PENK: variants seen among roughly 807,000 people sequenced by gnomAD.
The protein encoded by PENK is proenkephalin-A.
PENK carries 25 observed loss-of-function variants against 24.1 expected under a neutral mutation model. The observed-to-expected ratio is 1.04, with a 90% CI of 0.76 to 1.45. The LOEUF (loss-of-function observed/expected upper bound fraction) is 1.45, where lower values mean the gene tolerates loss of function less well. Among genes scored for constraint, PENK ranks in the 40% most tolerant of loss-of-function variants. PENK has a pLI of 0.00. For synonymous variants in PENK, 135 were observed against 130.3 expected (o/e 1.04, Z -0.24); for missense variants, 353 against 337.9 (o/e 1.04, Z -0.35).
Position 56,441,579 on chromosome 8 carries a change from T to C in PENK, c.497A>G (p.Asn166Ser). 6.2e-7 allele frequency: 1 copy of C among 1,613,998 alleles called. No homozygotes were observed. Among genetic ancestry groups the C allele is most frequent in the Non-Finnish European group, 8.5e-7 (1 of 1,179,994 alleles). ...LLKELLETGD[N>S]RERSHHQDGS... ...ATCCTGGTGGTGGCTACGCTCTCGG[T>C]TGTCCCCTGTTTCCAGAAGCTCTTT... is the stretch of plus-strand genomic sequence containing the variant. Residue 166 changes from asparagine to serine, a missense_variant, in exon 4 of 4, where the codon AAC becomes AGC. Asn to Ser is a conservative substitution (Grantham distance 46). Transcript: ENST00000451791.
chr8:56,445,211 A>C (rs1488502219), intron 3 of PENK: 1 of 161,184 alleles, frequency 6.2e-6, no homozygotes, highest in East Asian at 1.8e-4. Context: ...GACAGTTTGA[A>C]CTCTTTCCTG....
chr8:56,441,921 C>T lies in PENK; in HGVS notation c.155G>A (p.Cys52Tyr), dbSNP rs1422773939. The T allele has an allele frequency of 3.1e-6, 5 of 1,612,228 alleles. No homozygotes were observed. The highest frequency in any genetic ancestry group is 1.7e-6 in the Non-Finnish European group (2 of 1,178,904). ...DINFLACVME[C>Y]EGKLPSLKIW... ...TTTCAGAGAAGGCAGTTTACCTTCA[C>T]ATTCCATTACGCAAGCCTGGGAAAA... The change falls in exon 4 of 4, where the codon TGT becomes TAT. Residue 52 changes from cysteine (C) to tyrosine (Y), a missense_variant. Transcript: ENST00000451791.
rs1804648595 is a variant in PENK, at chr8:56,445,807, A to C, written c.138+9T>G. Reference sequence around the variant, plus strand: ...AAGGTGCGCAACACTCGCCGCGCGCAACACTCACCAGGAAGTTGATGTCGG... The same window carrying C: ...AAGGTGCGCAACACTCGCCGCGCGCCACACTCACCAGGAAGTTGATGTCGG... On this transcript the variant is annotated intron_variant, in intron 3 of 3. Transcript: ENST00000451791. The C allele has an allele frequency of 6.2e-7, 1 of 1,613,200 alleles. No individual in the cohort carries two copies. The highest frequency in any genetic ancestry group is 1.7e-5 in the Admixed American group (1 of 60,012).
rs146436624 is a variant in PENK at position 56,441,501 on chromosome 8, C to A, written c.575G>T (p.Gly192Val). The change falls in exon 4 of 4, where the codon GGC becomes GTC. Residue 192 changes from glycine (G) to valine (V), a missense_variant. Transcript: ENST00000451791. ...VSKRYGGFMR[G>V]LKRSPQLEDE... ...TTCCAGTTGGGGGCTTCTCTTTAAG[C>A]CTCTCATGAAGCCCCCATATCTCTT... 1.2e-6 allele frequency: 2 copies of A among 1,613,562 alleles called. No individual in the cohort carries two copies. The highest frequency in any genetic ancestry group is 3.3e-5 in the Admixed American group (2 of 60,010).
chr8:56,443,946 TAAC>T (rs1804604338), intron 3 of PENK: 2 of 701,808 alleles, frequency 2.8e-6, no homozygotes, highest in East Asian at 2.7e-5. Flanking sequence ...TAATAAGTGA[TAAC>T]AACAAGAGCA....
Position 56,441,426 on chromosome 8 carries a change from A to C in PENK, c.650T>G (p.Val217Gly), listed in dbSNP as rs1196647458. The change falls in exon 4 of 4, where the codon GTA (valine) becomes GGA (glycine). Residue 217 changes from valine to glycine, a missense_variant. Val to Gly is a moderately radical substitution (Grantham distance 109, BLOSUM62 -3). Coordinates refer to ENST00000451791, the MANE Select transcript of PENK (RefSeq NM_001135690.3). ...QKRYGGFMRR[V>G]GRPEWWMDYQ... Reference sequence around the variant, plus strand: ...GTCCATCCACCACTCTGGGCGACCTACTCTTCTCATGAAGCCCCCATATCG... The same window carrying C: ...GTCCATCCACCACTCTGGGCGACCTCCTCTTCTCATGAAGCCCCCATATCG... 1 of 1,613,652 alleles carries C rather than the reference A, an allele frequency of 6.2e-7. No individual in the cohort carries two copies. The highest frequency in any genetic ancestry group is 1.3e-5 in the African/African-American group (1 of 74,830).
Position 56,445,947 on chromosome 8 carries a change from G to A in PENK, c.7C>T (p.Arg3Trp). The A allele has an allele frequency of 6.2e-7, 1 of 1,607,370 alleles. No homozygotes were observed. Residue 3 changes from arginine (R) to tryptophan (W), a missense_variant, in exon 3 of 4, where the codon CGG becomes TGG. Transcript: ENST00000451791. ...AGCCAAGTGCAAAGTGTCAGGAACCGCGCCATGGACTGCGAGGAGAGAGGG... is the reference window on the plus strand; with the variant it reads ...AGCCAAGTGCAAAGTGTCAGGAACCACGCCATGGACTGCGAGGAGAGAGGG... Reference protein sequence around the residue: MARFLTLCTWLLL... With the variant: MAWFLTLCTWLLL...
At chr8:56,442,106 G>A (rs1331179697) in intron 3 of PENK, among the ~76,000 whole-genome samples, 169 bp from the exon 4 acceptor site, 1 of 152,118 alleles carries the variant, frequency 6.6e-6, no homozygotes, top group African/African-American at 2.4e-5. Flanking sequence ...GCATGCAAAT[G>A]AAACAAATAA....
At chr8:56,442,123 G>A (rs992705784) in intron 3 of PENK, among the ~76,000 whole-genome samples, 186 bp from the exon 4 acceptor site, 1 of 152,120 alleles carries the variant, frequency 6.6e-6, no homozygotes, top group Non-Finnish European at 1.5e-5. Flanking sequence ...ATAAAATTTG[G>A]AAAGGTGAAA....
Position 56,441,441 on chromosome 8 carries a change from C to G in PENK, c.635G>C (p.Gly212Ala), listed in dbSNP as rs1322124726. The change falls in exon 4 of 4, where the codon GGC (glycine) becomes GCC (alanine). Residue 212 changes from glycine (G) to alanine (A), a missense_variant. Physicochemically the swap from Gly to Ala is moderately conservative, Grantham distance 60. Coordinates refer to ENST00000451791, the MANE Select transcript of PENK (RefSeq NM_001135690.3). The stretch of plus-strand genomic sequence containing the variant: ...TGGGCGACCTACTCTTCTCATGAAG[C>G]CCCCATATCGCTTCTGCAGCTCTTT... ...EAKELQKRYG[G>A]FMRRVGRPEW... The G allele has an allele frequency of 2.5e-6, 4 of 1,613,810 alleles. No individual in the cohort carries two copies. The highest frequency in any genetic ancestry group is 3.4e-6 in the Non-Finnish European group (4 of 1,180,002).
At chr8:56,442,467 C>A (rs944684272) in intron 3 of PENK, among the ~76,000 whole-genome samples, 2 of 152,082 alleles carry the variant, frequency 1.3e-5, no homozygotes, top group East Asian at 1.9e-4. Flanking sequence ...AGTATTCCTG[C>A]AAATACTTTC....
chr8:56,441,395 C>G lies in PENK; in HGVS notation c.681G>C (p.Gln227His). 1 of 1,614,132 alleles carries G rather than the reference C, an allele frequency of 6.2e-7. No homozygotes were observed. The highest frequency in any genetic ancestry group is 8.5e-7 in the Non-Finnish European group (1 of 1,180,020). Reference sequence around the variant, plus strand: ...GCTTCAGGAAACCTCCATACCGTTTCTGGTAGTCCATCCACCACTCTGGGC... The same window carrying G: ...GCTTCAGGAAACCTCCATACCGTTTGTGGTAGTCCATCCACCACTCTGGGC... ...VGRPEWWMDYQKRYGGFLKRF... is the reference protein window; with the variant it reads ...VGRPEWWMDYHKRYGGFLKRF... The change falls in exon 4 of 4, where the codon CAG becomes CAC. Residue 227 changes from glutamine (Q) to histidine (H), a missense_variant. Gln to His is a conservative substitution (Grantham distance 24). Transcript: ENST00000451791.
At chr8:56,442,632 A>G (rs1804581121) in intron 3 of PENK, among the ~76,000 whole-genome samples, 1 of 152,076 alleles carries the variant, frequency 6.6e-6, no homozygotes, top group Admixed American at 6.5e-5. Flanking sequence ...GCTGGATACA[A>G]CAGACTTTAT....
chr8:56,444,904 G>A (rs1442222890), intron 3 of PENK, among the ~76,000 whole-genome samples: 2 of 152,176 alleles, frequency 1.3e-5, no homozygotes, highest in African/African-American at 4.8e-5. Context: ...GAATTGTCAG[G>A]GGAGCTGGTA....
At chr8:56,443,362 C>G (rs1373630092) in intron 3 of PENK, among the ~76,000 whole-genome samples, 1 of 152,048 alleles carries the variant, frequency 6.6e-6, no homozygotes, top group African/African-American at 2.4e-5. Context: ...ATACTAATAC[C>G]AAAAGATTTT....
At position 56,443,933 on chromosome 8, in the gene PENK, T is replaced by C. The variant is rs567812615; in HGVS notation, c.138+1883A>G. 1.2e-4 allele frequency: 85 copies of C among 701,346 alleles called. 2 individuals are homozygous for C. Among genetic ancestry groups the C allele is most frequent in the South Asian group, 1.0e-3 (69 of 67,230 alleles). The allele number at this position is 701,346 out of a possible 1,614,324, so 43.4% of individuals were successfully genotyped here. On this transcript the variant is annotated intron_variant, in intron 3 of 3. Transcript: ENST00000451791. ...ATCACCTGGATTAAAGTAATGATAA[T>C]AGTAATAAGTGATAACAACAAGAGC... is the stretch of plus-strand genomic sequence containing the variant.
chr8:56,445,600 T>C (rs1255246186), intron 3 of PENK: 7 of 648,368 alleles, frequency 1.1e-5, no homozygotes, highest in African/African-American at 5.4e-5. Context: ...GGTCCCCAGA[T>C]AGTCGCGGAT....
intron 3 of PENK, 43 bp downstream of exon 3, chr8:56,445,773 C>CTG (rs777806641): frequency 6.2e-7 from 1 of 1,612,648 alleles, no homozygotes; most frequent in Non-Finnish European, 8.5e-7. Flanking sequence ...TGCGGAAACT[C>CTG]TGTCTCACAA....
In PENK at chr8:56,441,773, C is replaced by T. The variant is rs549531391; in HGVS notation, c.303G>A (p.Gly101=). The change falls in exon 4 of 4, where the codon GGG becomes GGA. Residue 101 remains glycine, a synonymous_variant. Coordinates refer to ENST00000451791, the MANE Select transcript of PENK (RefSeq NM_001135690.3). ...AGCCTCCATACCTTTTCATGAAGCC[C>T]CCATACCTTTTGGCTAGCAAATGGC... ...EESHLLAKRY[G]GFMKRYGGFM... 6.2e-7 allele frequency: 1 copy of T among 1,613,428 alleles called. No individual in the cohort carries two copies. Among genetic ancestry groups the T allele is most frequent in the African/African-American group, 1.3e-5 (1 of 74,380 alleles).
Sources: gnomAD v4.1 joint callset for allele counts (sites outside exome capture counted in the v4.1 genomes callset) on GRCh38, gnomAD v4.1.1 for gene constraint, MANE v1.5 for transcripts, NCBI Gene and HGNC (gene_info 2026-07-23, HGNC 2026-07-21) for gene names.